Variants in PPARD observed in about 807,000 individuals in gnomAD.
The protein encoded by PPARD is peroxisome proliferator activated receptor delta.
PPARD carries 6 observed loss-of-function variants against 39.5 expected under a neutral mutation model. The ratio of observed to expected loss-of-function variants is 0.15; its 90% CI spans 0.08 to 0.30. PPARD has a LOEUF of 0.30. PPARD is among the 10% of genes least tolerant of loss of function. The pLI is 1.00. For missense variants in PPARD, 397 were observed against 596.8 expected, an observed-to-expected ratio of 0.67 and a Z score of 3.49; for synonymous variants, 210 against 231.3, an observed-to-expected ratio of 0.91 and a Z score of 0.83.
chr6:35,362,100 A>G (rs1365563559), intron 2 of PPARD, among the ~76,000 whole-genome samples: 1 of 151,610 alleles, frequency 6.6e-6, no homozygotes, highest in Non-Finnish European at 1.5e-5. Flanking sequence ...TTGATATATG[A>G]TTTTTTTTTC....
intron 1 of PPARD, among the ~76,000 whole-genome samples, chr6:35,346,137 C>T (rs1256263593): frequency 6.6e-6 from 1 of 152,120 alleles, no homozygotes; most frequent in Non-Finnish European, 1.5e-5. Context: ...CCTCAGCCTC[C>T]CAAAGTGCTG....
At chr6:35,365,134 T>C (rs1034692535) in intron 2 of PPARD, among the ~76,000 whole-genome samples, 4 of 116,356 alleles carry the variant, frequency 3.4e-5, no homozygotes, top group Admixed American at 7.9e-5. Context: ...CTTATTCTTT[T>C]TTTTTTTTTT....
intron 2 of PPARD, among the ~76,000 whole-genome samples, chr6:35,367,060 TG>T (rs1762242153): frequency 1.3e-5 from 2 of 152,102 alleles, no homozygotes; most frequent in African/African-American, 4.8e-5. Context: ...TGGGGGTGAC[TG>T]GGGAGGTGAG....
intron 2 of PPARD, among the ~76,000 whole-genome samples, chr6:35,380,469 T>G (rs1417586817): frequency 1.2e-4 from 12 of 102,718 alleles, no homozygotes; most frequent in Admixed American, 1.8e-4. Context: ...GTTTTTTTTT[T>G]TTGTTTGTTT....
At chr6:35,357,852 T>C (rs922151871) in intron 2 of PPARD, among the ~76,000 whole-genome samples, 1 of 152,090 alleles carries the variant, frequency 6.6e-6, no homozygotes, top group Non-Finnish European at 1.5e-5. Flanking sequence ...CCTATTTAAA[T>C]AGCAAGCAGT....
intron 2 of PPARD, among the ~76,000 whole-genome samples, chr6:35,357,352 G>A (rs1415806619): frequency 6.6e-6 from 1 of 152,116 alleles, no homozygotes; most frequent in Non-Finnish European, 1.5e-5. Context: ...CTGTGTAAAA[G>A]CCTTTAGGAA....
intron 1 of PPARD, among the ~76,000 whole-genome samples, chr6:35,346,159 G>T (rs771471923): frequency 1.3e-5 from 2 of 152,252 alleles, no homozygotes; most frequent in East Asian, 3.9e-4. Flanking sequence ...GATTACAGGC[G>T]TGAGCCACCA....
At chr6:35,410,190 T>A (rs924028701) in intron 2 of PPARD, among the ~76,000 whole-genome samples, 3 of 152,336 alleles carry the variant, frequency 2.0e-5, no homozygotes, top group African/African-American at 7.2e-5. Flanking sequence ...AGCAGATCTT[T>A]TCTTCTCCTG....
rs529866520 is a variant in PPARD at position 35,364,431 on chromosome 6, C to CTTT, written c.-102+17299_-102+17301dup. Among the ~76,000 whole-genome samples the CTTT allele has an allele frequency of 1.5e-4, 19 of 127,184 alleles. 1 individual carries two copies. The highest frequency in any genetic ancestry group is 4.5e-4 in the African/African-American group (14 of 31,352). The allele number at this position is 127,184 out of a possible 152,430, so 83.4% of individuals were successfully genotyped here. ...GGGTCATATAGTATTCCATGTTTAA[C>CTTT]TTTTTTTTTTTTTTTTTTTTGAGAC... On this transcript the variant is annotated intron_variant, in intron 2 of 7. Transcript: ENST00000360694.
At chr6:35,387,050 C>T (rs1168147545) in intron 2 of PPARD, among the ~76,000 whole-genome samples, 2 of 151,910 alleles carry the variant, frequency 1.3e-5, no homozygotes, top group Non-Finnish European at 2.9e-5. Flanking sequence ...GTTTGGGTCA[C>T]ACAACAGGGT....
rs566997790 is a variant in PPARD, at chr6:35,394,785, C to CA, written c.-101-16188dup. Among the ~76,000 whole-genome samples the CA allele has an allele frequency of 6.7e-3, 828 of 123,240 alleles. 4 individuals carry two copies. The highest frequency in any genetic ancestry group is 0.01 in the East Asian group (44 of 4,370). The allele number at this position is 123,240 out of a possible 152,430, so 80.9% of individuals were successfully genotyped here. Reference sequence around the variant, plus strand: ...GACCCTGTCTCCCCGCCCCCCCCACCAAAAAAAAAAAAAATCAGATAAGCA... The same window carrying CA: ...GACCCTGTCTCCCCGCCCCCCCCACCAAAAAAAAAAAAAAATCAGATAAGCA... On this transcript the variant is annotated intron_variant, in intron 2 of 7. Coordinates refer to ENST00000360694, the MANE Select transcript of PPARD (RefSeq NM_006238.5).
rs185308926 is a variant in PPARD at position 35,366,184 on chromosome 6, A to G, written c.-102+19034A>G. ...CTTAAAACACTATCTCGCAGTTTCT[A>G]TGGGTTAGGAGAGATTTACACAAAT... is the stretch of plus-strand genomic sequence containing the variant. On this transcript the variant is annotated intron_variant, in intron 2 of 7. Coordinates refer to ENST00000360694, the MANE Select transcript of PPARD (RefSeq NM_006238.5). The surrounding 1 kb of genome is among the most constrained non-coding windows in gnomAD (Gnocchi z 4.6). Among the ~76,000 whole-genome samples, 89 of 151,892 alleles carry G rather than the reference A, an allele frequency of 5.9e-4. 4 individuals carry two copies. Among genetic ancestry groups the G allele is most frequent in the African/African-American group, 1.9e-3 (80 of 41,154 alleles).
intron 2 of PPARD, chr6:35,348,789 G>T (rs1040050415): frequency 2.5e-4 from 246 of 985,338 alleles, no homozygotes; most frequent in Non-Finnish European, 2.9e-4. Flanking sequence ...TGAAGGGAAT[G>T]TGAGGGAGGA....
chr6:35,425,012 C>A lies in PPARD; in HGVS notation c.1078+233C>A. The A allele has an allele frequency of 7.3e-7, 1 of 1,374,166 alleles. No homozygotes were observed. The highest frequency in any genetic ancestry group is 9.4e-7 in the Non-Finnish European group (1 of 1,063,456). 85.1% of individuals were successfully genotyped at this position (1,374,166 alleles called of 1,614,324 possible). A position where few individuals can be genotyped will look rare whatever the true frequency, so the allele number is the denominator to read the frequency against. On this transcript the variant is annotated intron_variant, in intron 7 of 7. Transcript: ENST00000360694. The surrounding 1 kb of genome is among the most constrained non-coding windows in gnomAD (Gnocchi z 4.5). ...ACTAAGCCAGACGTGGTGGCTCACACCTGTAATCCCAGCACTTTGGCAGGC... is the reference window on the plus strand; with the variant it reads ...ACTAAGCCAGACGTGGTGGCTCACAACTGTAATCCCAGCACTTTGGCAGGC...
In PPARD at chr6:35,424,809, C is replaced by A; in HGVS notation, c.1078+30C>A. On this transcript the variant is annotated intron_variant, in intron 7 of 7. Coordinates refer to ENST00000360694, the MANE Select transcript of PPARD (RefSeq NM_006238.5). This position sits in a 1 kb window ranked among gnomAD's most constrained non-coding sequence, Gnocchi z 7.1. ...GTGAGAGTGGGGCAGGTGGGCTGGC[C>A]TGGCACACCCAGTCGTCCTGGGGGT... 1 of 1,604,066 alleles carries A rather than the reference C, an allele frequency of 6.2e-7. No homozygotes were observed. The highest frequency in any genetic ancestry group is 8.5e-7 in the Non-Finnish European group (1 of 1,174,086).
intron 1 of PPARD, among the ~76,000 whole-genome samples, chr6:35,345,458 A>G (rs1024335078): frequency 9.2e-5 from 14 of 151,978 alleles, no homozygotes; most frequent in African/African-American, 3.1e-4. Context: ...GCTAATTAAA[A>G]AACAATTTTT....
intron 2 of PPARD, among the ~76,000 whole-genome samples, chr6:35,371,472 C>T (rs1246890343): frequency 6.6e-6 from 1 of 152,194 alleles, no homozygotes; most frequent in Non-Finnish European, 1.5e-5. Context: ...CACCTGCCTG[C>T]TGGAGTGTGC....
chr6:35,410,954 CCCTGACCTCTT>C (rs1192289009), intron 2 of PPARD, 22 bp from the exon 3 acceptor site: 8 of 1,262,444 alleles, frequency 6.3e-6, no homozygotes, highest in Non-Finnish European at 7.0e-6. Context: ...TCACTGCCTC[CCCTGACCTCTT>C]CCTGTCTTCT....
At chr6:35,356,493 T>C (rs1009382659) in intron 2 of PPARD, among the ~76,000 whole-genome samples, 1 of 152,236 alleles carries the variant, frequency 6.6e-6, no homozygotes, top group African/African-American at 2.4e-5. Flanking sequence ...CTTAATTGCC[T>C]AAAACATCTC....
Sources: allele counts gnomAD v4.1 joint callset (sites outside exome capture counted in the v4.1 genomes callset), GRCh38; gene constraint gnomAD v4.1.1; non-coding constraint Gnocchi (gnomAD v3.1); transcripts MANE v1.5; gene names NCBI Gene and HGNC (gene_info 2026-07-23, HGNC 2026-07-21).